PCM1: variants seen among roughly 807,000 people sequenced by gnomAD.
PCM1 encodes pericentriolar material 1 protein.
Under a neutral mutation model 241.9 loss-of-function variants are expected in PCM1, and 157 were observed. The ratio of observed to expected loss-of-function variants is 0.65; its 90% CI spans 0.57 to 0.74. The LOEUF is 0.74. Ranked by LOEUF, PCM1 falls within the 30% of genes least tolerant of loss-of-function variation. The probability of loss-of-function intolerance (pLI) is 0.00; values close to 1 mark genes in which losing one functional copy is unlikely to be tolerated. For synonymous variants in PCM1, 1,085 were observed against 784.9 expected, an observed-to-expected ratio of 1.38 and a Z score of -6.39; for missense variants, 3,478 against 2,360.1, an observed-to-expected ratio of 1.47 and a Z score of -9.81.
At chr8:17,961,980 A>C in intron 15 of PCM1, 54 bp from the exon 16 acceptor site, 1 of 1,518,548 alleles carries the variant, frequency 6.6e-7, no homozygotes. Context: ...GCTTTTATGA[A>C]ATTAATATAA....
chr8:18,017,877 T>A (rs2093373696), intron 36 of PCM1, among the ~76,000 whole-genome samples: 1 of 150,736 alleles, frequency 6.6e-6, no homozygotes, highest in African/African-American at 2.4e-5. Flanking sequence ...TCCCAAGGGT[T>A]TGACTCTGAA....
At chr8:17,961,366 A>C (rs2071932704) in intron 15 of PCM1, among the ~76,000 whole-genome samples, 1 of 120,450 alleles carries the variant, frequency 8.3e-6, no homozygotes, top group African/African-American at 3.3e-5. Flanking sequence ...GTGGGAGTGC[A>C]GTGGTGCAAT....
chr8:17,963,397 A>G (rs772747891), intron 17 of PCM1, 106 bp downstream of exon 17: 19 of 724,504 alleles, frequency 2.6e-5, no homozygotes, highest in Non-Finnish European at 3.7e-5. Context: ...CAAATCTGCT[A>G]TTTCAGTGAG....
chr8:17,966,126 G>A lies in PCM1; in HGVS notation c.2983G>A (p.Glu995Lys). 1.2e-6 allele frequency: 2 copies of A among 1,613,866 alleles called. No individual in the cohort carries two copies. The highest frequency in any genetic ancestry group is 2.2e-5 in the South Asian group (2 of 91,078). Residue 995 changes from glutamate (E) to lysine (K), a missense_variant, in exon 19 of 39, where the codon GAG (glutamate) becomes AAG (lysine). Physicochemically the swap from Glu to Lys is moderately conservative, Grantham distance 56. Transcript: ENST00000325083. The stretch of plus-strand genomic sequence containing the variant: ...GGTGTCAGAGCTCTCTTACGTAGAA[G>A]AGAAAGAACAATGGCAAGAACAAAT... Reference protein sequence around the residue: ...RWVSELSYVEEKEQWQEQINQ... With the variant: ...RWVSELSYVEKKEQWQEQINQ...
chr8:17,972,164 T>A (rs1408456991), intron 22 of PCM1, among the ~76,000 whole-genome samples, 165 bp from the exon 23 acceptor site: 1 of 152,226 alleles, frequency 6.6e-6, no homozygotes, highest in Non-Finnish European at 1.5e-5. Flanking sequence ...TACCTTAGCT[T>A]ATGTGATATT....
intron 3 of PCM1, among the ~76,000 whole-genome samples, chr8:17,935,924 T>G (rs764442932): frequency 4.6e-5 from 7 of 151,864 alleles, no homozygotes; most frequent in Non-Finnish European, 8.8e-5. Context: ...TGTAAAAGTG[T>G]TTTTTTTATG....
rs539925388 is a variant in PCM1 at position 18,001,580 on chromosome 8, T to C, written c.4828-4683T>C. Among the ~76,000 whole-genome samples the C allele has an allele frequency of 9.4e-4, 143 of 152,346 alleles. 1 individual carries two copies. The highest frequency in any genetic ancestry group is 3.3e-3 in the African/African-American group (136 of 41,580). On this transcript the variant is annotated intron_variant, in intron 29 of 38. Coordinates refer to ENST00000325083, the MANE Select transcript of PCM1 (RefSeq NM_006197.4). ...GACTTCTTTCTGAGATGGCATTCATTACATTCTAATTTAAAATGGAAGTTT... is the reference window on the plus strand; with the variant it reads ...GACTTCTTTCTGAGATGGCATTCATCACATTCTAATTTAAAATGGAAGTTT...
rs2091311805 is a variant in PCM1 at position 18,006,372 on chromosome 8, A to G, written c.4937A>G (p.His1646Arg). The G allele has an allele frequency of 1.2e-6, 2 of 1,612,322 alleles. No homozygotes were observed. The highest frequency in any genetic ancestry group is 1.7e-5 in the Admixed American group (1 of 59,984). ...DESKEFVKFFHKQLGSILQDS... is the reference protein window; with the variant it reads ...DESKEFVKFFRKQLGSILQDS... ...AGCAAAGAGTTTGTAAAGTTCTTTC[A>G]TAAACAACTTGGAAGTATATTACAG... Residue 1646 changes from histidine to arginine, a missense_variant, in exon 30 of 39, where the codon CAT (histidine) becomes CGT (arginine). By Grantham distance (29) the His-to-Arg change is conservative (BLOSUM62 0). Transcript: ENST00000325083.
chr8:17,937,026 T>G (rs1351638108), intron 3 of PCM1, 108 bp from the exon 4 acceptor site: 1 of 818,068 alleles, frequency 1.2e-6, no homozygotes, highest in East Asian at 2.7e-5. Context: ...CTGTCAAAAA[T>G]GTCTTGTCTT....
intron 22 of PCM1, among the ~76,000 whole-genome samples, chr8:17,970,700 A>G (rs1217399608): frequency 6.6e-6 from 1 of 152,214 alleles, no homozygotes; most frequent in Non-Finnish European, 1.5e-5. Context: ...GCTTCGGTGA[A>G]TAGACTTTCC....
chr8:18,009,205 G>A (rs17126091), intron 30 of PCM1, among the ~76,000 whole-genome samples: 1 of 152,038 alleles, frequency 6.6e-6, no homozygotes, highest in Non-Finnish European at 1.5e-5. Context: ...TCCTTTCATA[G>A]CACTTAGTAT....
Position 18,028,373 on chromosome 8 carries a change from A to T in PCM1, c.*711A>T, listed in dbSNP as rs1483586742. 5.2e-6 allele frequency: 1 copy of T among 191,884 alleles called. No homozygotes were observed. The highest frequency in any genetic ancestry group is 1.1e-5 in the Non-Finnish European group (1 of 91,738). The allele number at this position is 191,884 out of a possible 1,614,324, so 11.9% of individuals were successfully genotyped here. On this transcript the variant is annotated 3_prime_UTR_variant, in exon 39 of 39. Transcript: ENST00000325083. Reference sequence around the variant, plus strand: ...AAAATATTTATCTACATCGCCTCAGACTAAAAGTAAAAAAAATAAGCTTTA... The same window carrying T: ...AAAATATTTATCTACATCGCCTCAGTCTAAAAGTAAAAAAAATAAGCTTTA...
chr8:17,999,798 T>G (rs1459721111), intron 29 of PCM1, among the ~76,000 whole-genome samples: 2 of 152,126 alleles, frequency 1.3e-5, no homozygotes, highest in Non-Finnish European at 2.9e-5. Flanking sequence ...GGAAGATGAT[T>G]GGTGGAGGCT....
chr8:17,968,730 A>ATGTGTGTGTGTGTGTGTGTGTG (rs551909289), intron 21 of PCM1, among the ~76,000 whole-genome samples: 26 of 134,708 alleles, frequency 1.9e-4, no homozygotes, highest in African/African-American at 7.3e-4. Context: ...GGATGTATAT[A>ATGTGTGTGTGTGTGTGTGTGTG]TGTGTGTGTG....
At chr8:18,009,833 C>T (rs1384231577) in intron 31 of PCM1, 89 bp downstream of exon 31, 3 of 808,270 alleles carry the variant, frequency 3.7e-6, no homozygotes, top group Non-Finnish European at 5.3e-6. Context: ...CATTTTACCT[C>T]AGCAAAAGTA....
At chr8:17,990,001 C>G (rs1041949562) in intron 27 of PCM1, 22 bp downstream of exon 27, 2 of 1,497,234 alleles carry the variant, frequency 1.3e-6, no homozygotes, top group Non-Finnish European at 1.8e-6. Context: ...TGTTTATAAT[C>G]TTAGAAACAA....
In PCM1 at chr8:17,930,378, C is replaced by T. The variant is rs2058615946; in HGVS notation, c.-22-5211C>T. 2.0e-5 allele frequency among the ~76,000 whole-genome samples: 3 copies of T among 151,742 alleles called. No individual in the cohort carries two copies. In the South Asian group the frequency reaches 6.2e-4, roughly 32 times the overall value. On this transcript the variant is annotated intron_variant, in intron 2 of 38. Transcript: ENST00000325083. ...TTGGCCTCCCAAAATGCTGGGATTA[C>T]AGGCGTGAGCCACTGCGCCTGACCG...
In PCM1 at chr8:17,937,238, G is replaced by C. The variant is rs1383948506; in HGVS notation, c.201G>C (p.Glu67Asp). The change falls in exon 4 of 39, where the codon GAG becomes GAC. Residue 67 changes from glutamate to aspartate, a missense_variant. By Grantham distance (45) the Glu-to-Asp change is conservative. Coordinates refer to ENST00000325083, the MANE Select transcript of PCM1 (RefSeq NM_006197.4). ...GAGTAACCAATGATATTTCTCCGGA[G>C]TCGTCACCAGGAGTTGGAAGGCGAA... is the stretch of plus-strand genomic sequence containing the variant. ...DKRVTNDISP[E>D]SSPGVGRRRT... The C allele has an allele frequency of 1.2e-6, 2 of 1,609,926 alleles. No homozygotes were observed. The highest frequency in any genetic ancestry group is 2.7e-5 in the African/African-American group (2 of 74,866).
intron 13 of PCM1, among the ~76,000 whole-genome samples, chr8:17,959,575 C>CTCTAGAAAAATTAGTTT (rs61078034): frequency 6.6e-6 from 1 of 151,628 alleles, no homozygotes; most frequent in African/African-American, 2.4e-5. Flanking sequence ...CTTAATTGGT[C>CTCTAGAAAAATTAGTTT]TCTAGAGAGC....
Sources: allele counts gnomAD v4.1 joint callset (sites outside exome capture counted in the v4.1 genomes callset), GRCh38; gene constraint gnomAD v4.1.1; transcripts MANE v1.5; gene names NCBI Gene and HGNC (gene_info 2026-07-23, HGNC 2026-07-21).